KIAA1671: variants seen among roughly 807,000 people sequenced by gnomAD.
KIAA1671 encodes KIAA1671.
KIAA1671 carries 52 observed loss-of-function variants against 131.2 expected under a neutral mutation model. That is an observed-to-expected ratio of 0.40 (90% CI 0.32 to 0.50). The LOEUF is 0.50. Among genes scored for constraint, KIAA1671 ranks in the 20% least tolerant of loss-of-function variants. The pLI is 0.73. For missense variants in KIAA1671, 2,360 were observed against 2,364.2 expected (o/e 1.00, Z 0.04); for synonymous variants, 1,003 against 961.6 (o/e 1.04, Z -0.80).
intron 3 of KIAA1671, among the ~76,000 whole-genome samples, chr22:25,030,450 G>A (rs1163375312): frequency 1.3e-5 from 2 of 151,868 alleles, no homozygotes; most frequent in East Asian, 1.9e-4. Flanking sequence ...CAGGAGAATC[G>A]CTTGAACTCG....
At chr22:25,065,675 C>G (rs1185087113) in intron 6 of KIAA1671, among the ~76,000 whole-genome samples, 1 of 150,864 alleles carries the variant, frequency 6.6e-6, no homozygotes, top group African/African-American at 2.4e-5. Flanking sequence ...CAGTCTCGCT[C>G]GTCGCCCAGG....
At chr22:25,015,676 T>A (rs938030200) in intron 1 of KIAA1671, among the ~76,000 whole-genome samples, 1 of 152,176 alleles carries the variant, frequency 6.6e-6, no homozygotes, top group Admixed American at 6.5e-5. Flanking sequence ...TTCCCATTGT[T>A]GAACCCAGCA....
At chr22:25,187,375 A>C (rs536689288) in intron 11 of KIAA1671, among the ~76,000 whole-genome samples, 3 of 152,318 alleles carry the variant, frequency 2.0e-5, no homozygotes, top group African/African-American at 7.2e-5. Flanking sequence ...TTTTCTTTGT[A>C]ATGTAGCTGA....
At position 25,039,227 on chromosome 22, in the gene KIAA1671, G is replaced by T; in HGVS notation, c.2097G>T (p.Thr699=). 1.3e-6 allele frequency: 2 copies of T among 1,552,224 alleles called. No homozygotes were observed. The highest frequency in any genetic ancestry group is 3.9e-5 in the Admixed American group (2 of 51,006). The change falls in exon 5 of 13, where the codon ACG becomes ACT. Residue 699 remains threonine (T), a synonymous_variant. Coordinates refer to ENST00000358431, the MANE Select transcript of KIAA1671 (RefSeq NM_001145206.2). ...LLNGELRPYH[T]PLRDKYPLSE... is the part of the protein sequence containing the mutation. ...ATGGTGAACTGAGACCGTATCACAC[G>T]CCTCTCCGGGACAAATACCCTTTGT...
intron 7 of KIAA1671, among the ~76,000 whole-genome samples, chr22:25,171,268 C>T (rs756222899): frequency 4.6e-5 from 7 of 151,796 alleles, no homozygotes; most frequent in South Asian, 4.2e-4. Flanking sequence ...GGTGTGGCAG[C>T]GTACCCCTGT....
chr22:25,191,259 G>A (rs532361323), intron 12 of KIAA1671, among the ~76,000 whole-genome samples: 6 of 149,932 alleles, frequency 4.0e-5, no homozygotes, highest in African/African-American at 1.5e-4. Flanking sequence ...GGGTTCAAAC[G>A]ATTCTCCTGC....
chr22:25,020,985 C>T (rs894342341), intron 1 of KIAA1671, among the ~76,000 whole-genome samples: 1 of 152,150 alleles, frequency 6.6e-6, no homozygotes, highest in East Asian at 1.9e-4. Flanking sequence ...GGCGCTTGCA[C>T]GTTGGAGACA....
At chr22:25,155,374 A>G (rs905175137) in intron 6 of KIAA1671, among the ~76,000 whole-genome samples, 1 of 150,912 alleles carries the variant, frequency 6.6e-6, no homozygotes, top group South Asian at 2.1e-4. Context: ...TGTATTATAT[A>G]TGTTTTGTGT....
At chr22:25,121,529 A>G (rs1931945270) in intron 6 of KIAA1671, among the ~76,000 whole-genome samples, 1 of 152,090 alleles carries the variant, frequency 6.6e-6, no homozygotes, top group Non-Finnish European at 1.5e-5. Flanking sequence ...ATAACAGATT[A>G]GTTGTAATGG....
At chr22:24,994,444 C>A (rs1035918886) in intron 1 of KIAA1671, among the ~76,000 whole-genome samples, 1 of 152,152 alleles carries the variant, frequency 6.6e-6, no homozygotes, top group Non-Finnish European at 1.5e-5. Context: ...ATTAAATTAT[C>A]CGACTTGAGT....
In KIAA1671 at chr22:25,174,288, G is replaced by GC; in HGVS notation, c.4704dup (p.Ser1569GlnfsTer21). 1 of 1,551,632 alleles carries GC rather than the reference G, an allele frequency of 6.4e-7. No individual in the cohort carries two copies. The highest frequency in any genetic ancestry group is 8.7e-7 in the Non-Finnish European group (1 of 1,146,978). ...GCAGTGCCACATCGACAAGGAAACAGCCCCCCAGCAGCCGTTTGTCTTCTC... is the reference window on the plus strand; with the variant it reads ...GCAGTGCCACATCGACAAGGAAACAGCCCCCCCAGCAGCCGTTTGTCTTCTC... On this transcript the variant is annotated frameshift_variant, in exon 8 of 13. Coordinates refer to ENST00000358431, the MANE Select transcript of KIAA1671 (RefSeq NM_001145206.2). LOFTEE classifies it high-confidence loss of function.
chr22:25,009,372 C>A lies in KIAA1671; in HGVS notation c.-207-16261C>A, dbSNP rs537346812. Reference sequence around the variant, plus strand: ...CTCTGCCTCCCAGGTTCAAGTGATTCTCCCGCCTCAGCCTCCCAAGTAGCT... The same window carrying A: ...CTCTGCCTCCCAGGTTCAAGTGATTATCCCGCCTCAGCCTCCCAAGTAGCT... On this transcript the variant is annotated intron_variant, in intron 1 of 12. Transcript: ENST00000358431. 6.1e-3 allele frequency among the ~76,000 whole-genome samples: 838 copies of A among 137,694 alleles called. 6 individuals carry two copies. Among genetic ancestry groups the A allele is most frequent in the Middle Eastern group, 0.045 (10 of 224 alleles). 90.3% of individuals were successfully genotyped at this position (137,694 alleles called of 152,430 possible).
intron 1 of KIAA1671, among the ~76,000 whole-genome samples, chr22:25,021,505 A>C (rs1925665232): frequency 6.9e-6 from 1 of 144,202 alleles, no homozygotes; most frequent in Non-Finnish European, 1.5e-5. Context: ...ATCTTTGTGA[A>C]TGTCCATTCC....
intron 6 of KIAA1671, among the ~76,000 whole-genome samples, chr22:25,116,390 T>C (rs904580755): frequency 3.6e-5 from 4 of 109,704 alleles, no homozygotes; most frequent in African/African-American, 1.4e-4. Context: ...CCAGTATGTA[T>C]GTATGTATGT....
At chr22:25,141,660 G>A (rs1167568295) in intron 6 of KIAA1671, among the ~76,000 whole-genome samples, 1 of 152,166 alleles carries the variant, frequency 6.6e-6, no homozygotes, top group African/African-American at 2.4e-5. Context: ...GGGTTTGGGA[G>A]TGACATATCT....
chr22:25,046,239 T>C (rs1927218238), intron 5 of KIAA1671, among the ~76,000 whole-genome samples: 1 of 151,958 alleles, frequency 6.6e-6, no homozygotes. Flanking sequence ...GAAGCGGAGA[T>C]TGTAGTGAGC....
At chr22:24,964,829 A>C (rs73410609) in intron 1 of KIAA1671, among the ~76,000 whole-genome samples, 4,598 of 152,224 alleles carry the variant, frequency 0.03, 217 homozygotes, top group African/African-American at 0.1. Context: ...GGAATGGGGA[A>C]TGTGGATCCA....
At chr22:25,085,973 C>T (rs1380707778) in intron 6 of KIAA1671, among the ~76,000 whole-genome samples, 1 of 152,140 alleles carries the variant, frequency 6.6e-6, no homozygotes, top group Non-Finnish European at 1.5e-5. Context: ...CTTTGTATCC[C>T]TGTCACGTGA....
intron 1 of KIAA1671, among the ~76,000 whole-genome samples, chr22:24,998,115 T>G (rs1052240863): frequency 6.6e-6 from 1 of 152,164 alleles, no homozygotes; most frequent in Non-Finnish European, 1.5e-5. Context: ...CAAAGTTGCA[T>G]TTAGGCCAGG....
Sources: allele counts gnomAD v4.1 joint callset (sites outside exome capture counted in the v4.1 genomes callset), GRCh38; gene constraint gnomAD v4.1.1; transcripts MANE v1.5; gene names NCBI Gene and HGNC (gene_info 2026-07-23, HGNC 2026-07-21).